Variants in PMM2 observed in about 807,000 individuals in gnomAD.
The protein encoded by PMM2 is mannose-6-phosphate isomerase.
Under a neutral mutation model 33.2 loss-of-function variants are expected in PMM2, and 35 were observed. That is an observed-to-expected ratio of 1.06 (90% CI 0.81 to 1.40). The LOEUF is 1.40. PMM2 is among the 40% of genes most tolerant of loss of function. The probability of loss-of-function intolerance (pLI) is 0.00; values close to 1 mark genes in which losing one functional copy is unlikely to be tolerated. For synonymous variants in PMM2, 153 were observed against 114.7 expected (o/e 1.33, Z -2.13); for missense variants, 386 against 306.0 (o/e 1.26, Z -1.95).
intron 7 of PMM2, among the ~76,000 whole-genome samples, chr16:8,840,898 G>A (rs1255435777): frequency 6.6e-6 from 1 of 152,046 alleles, no homozygotes; most frequent in Non-Finnish European, 1.5e-5. Context: ...AAGCTTAGCA[G>A]CCTGGCGAAT....
chr16:8,816,169 C>G (rs1047057006), intron 7 of PMM2, among the ~76,000 whole-genome samples: 1 of 151,998 alleles, frequency 6.6e-6, no homozygotes, highest in African/African-American at 2.4e-5. Flanking sequence ...CTCTGTCACC[C>G]AGGCTGGAGT....
At position 8,838,032 on chromosome 16, in the gene PMM2, A is replaced by T. The variant is rs376420073; in HGVS notation, c.640-9692A>T. Reference sequence around the variant, plus strand: ...CTTTGTGTGAGCAACATGGCTGTTTATTTCACCTGGGTGCAGGCGGGCTGA... The same window carrying T: ...CTTTGTGTGAGCAACATGGCTGTTTTTTTCACCTGGGTGCAGGCGGGCTGA... On this transcript the variant is annotated intron_variant, in intron 7 of 7. Transcript: ENST00000268261. Among the ~76,000 whole-genome samples, 431 of 152,222 alleles carry T rather than the reference A, an allele frequency of 2.8e-3. 6 individuals are homozygous for T. The highest frequency in any genetic ancestry group is 9.7e-3 in the African/African-American group (402 of 41,550).
intron 7 of PMM2, among the ~76,000 whole-genome samples, chr16:8,817,925 A>C: frequency 7.1e-6 from 1 of 140,212 alleles, no homozygotes; most frequent in Non-Finnish European, 1.5e-5. Context: ...TTTTTTTGAG[A>C]CAGAGTCTTG....
intron 7 of PMM2, among the ~76,000 whole-genome samples, chr16:8,819,431 CT>C (rs2060724765): frequency 6.6e-6 from 1 of 152,096 alleles, no homozygotes. Context: ...ACAGAGGTTA[CT>C]GTGGGGGTGG....
At chr16:8,830,355 T>C (rs1048411508) in intron 7 of PMM2, among the ~76,000 whole-genome samples, 1 of 152,174 alleles carries the variant, frequency 6.6e-6, no homozygotes, top group African/African-American at 2.4e-5. Context: ...AGAATTGCAA[T>C]AGACTAATTC....
intron 7 of PMM2, among the ~76,000 whole-genome samples, chr16:8,839,065 G>A (rs1291907388): frequency 6.6e-6 from 1 of 151,998 alleles, no homozygotes; most frequent in East Asian, 1.9e-4. Flanking sequence ...CATGACAGAG[G>A]TTGAAATGCC....
chr16:8,836,384 T>C (rs1019540546), intron 7 of PMM2, among the ~76,000 whole-genome samples: 2 of 151,966 alleles, frequency 1.3e-5, no homozygotes, highest in Non-Finnish European at 2.9e-5. Context: ...AGTCTGATTT[T>C]CATGGGGTCC....
intron 7 of PMM2, chr16:8,832,320 C>T: frequency 3.0e-6 from 3 of 985,462 alleles, no homozygotes; most frequent in Non-Finnish European, 3.6e-6. Context: ...AGAAGCAACC[C>T]AGAGAGGCTC....
intron 1 of PMM2, among the ~76,000 whole-genome samples, chr16:8,799,138 C>G (rs555601401): frequency 7.9e-5 from 12 of 152,304 alleles, no homozygotes; most frequent in African/African-American, 2.9e-4. Context: ...AACCACTCAA[C>G]TTTAGTGCAA....
At chr16:8,834,199 T>TA (rs543497552) in intron 7 of PMM2, among the ~76,000 whole-genome samples, 229 of 152,268 alleles carry the variant, frequency 1.5e-3, no homozygotes, top group African/African-American at 5.1e-3. Context: ...TCCAGTCCTT[T>TA]TTAAGTTGGA....
chr16:8,845,467 C>A (rs1044003186), intron 7 of PMM2, among the ~76,000 whole-genome samples: 2 of 152,116 alleles, frequency 1.3e-5, no homozygotes, highest in Non-Finnish European at 2.9e-5. Context: ...AGTAGGTGTT[C>A]TAGAAAGGTG....
chr16:8,840,923 G>C (rs2141045569), intron 7 of PMM2, among the ~76,000 whole-genome samples: 1 of 152,136 alleles, frequency 6.6e-6, no homozygotes, highest in East Asian at 1.9e-4. Context: ...TGTCTAGCCT[G>C]CTGGAGGACT....
At chr16:8,826,430 T>G (rs12325640) in intron 7 of PMM2, among the ~76,000 whole-genome samples, 21,738 of 152,156 alleles carry the variant, frequency 0.14, 1,691 homozygotes, top group East Asian at 0.25. Flanking sequence ...TACCTCCATA[T>G]GTCCCCAGGC....
chr16:8,811,703 G>A lies in PMM2; in HGVS notation c.513G>A (p.Thr171=), dbSNP rs371399381. The A allele has an allele frequency of 1.6e-5, 25 of 1,607,062 alleles. No homozygotes were observed. Among genetic ancestry groups the A allele is most frequent in the African/African-American group, 1.3e-4 (10 of 74,740 alleles). Residue 171 remains threonine (T), a synonymous_variant, in exon 6 of 8, where the codon ACG becomes ACA. Transcript: ENST00000268261. ...LRKEFAGKGL[T]FSIGGQISFD... ...AAGAGTTTGCTGGAAAAGGCCTCAC[G>A]TTTTCCATAGGTATTGTATATATTG...
intron 7 of PMM2, among the ~76,000 whole-genome samples, chr16:8,838,215 G>C (rs1243696261): frequency 1.3e-5 from 2 of 152,078 alleles, no homozygotes; most frequent in Admixed American, 6.6e-5. Flanking sequence ...CTTCTTAAGG[G>C]TGGGGGAGAT....
chr16:8,810,962 A>C (rs2060673775), intron 4 of PMM2, 117 bp from the exon 5 acceptor site: 1 of 718,114 alleles, frequency 1.4e-6, no homozygotes, highest in Non-Finnish European at 2.6e-6. Flanking sequence ...GAGCTGAGAA[A>C]CATTGACCAC....
chr16:8,842,544 G>A (rs2060897176), intron 7 of PMM2, among the ~76,000 whole-genome samples: 1 of 152,184 alleles, frequency 6.6e-6, no homozygotes, highest in Non-Finnish European at 1.5e-5. Flanking sequence ...TGGGACAAGG[G>A]GTGCAGGGGA....
At chr16:8,844,220 A>G (rs953687042) in intron 7 of PMM2, among the ~76,000 whole-genome samples, 14 of 152,112 alleles carry the variant, frequency 9.2e-5, no homozygotes, top group African/African-American at 3.4e-4. Flanking sequence ...TGAGTTGAAG[A>G]GGTTTTAAGT....
intron 1 of PMM2, among the ~76,000 whole-genome samples, chr16:8,800,426 T>C (rs1291094449): frequency 3.3e-5 from 5 of 152,012 alleles, no homozygotes; most frequent in Non-Finnish European, 5.9e-5. Context: ...TGCTGAGTTA[T>C]AAGACTTGTA....
Sources: allele counts gnomAD v4.1 joint callset (sites outside exome capture counted in the v4.1 genomes callset), GRCh38; gene constraint gnomAD v4.1.1; transcripts MANE v1.5; gene names NCBI Gene and HGNC (gene_info 2026-07-23, HGNC 2026-07-21).